TANC2: variants seen among roughly 807,000 people sequenced by gnomAD.
The protein encoded by TANC2 is protein TANC2.
A neutral mutation model predicts 210.5 loss-of-function variants in TANC2; 26 were observed. The ratio of observed to expected loss-of-function variants is 0.12; its 90% CI spans 0.09 to 0.17. The LOEUF is 0.17. Among genes scored for constraint, TANC2 ranks in the 10% least tolerant of loss-of-function variants. The probability of loss-of-function intolerance (pLI) is 1.00; values close to 1 mark genes in which losing one functional copy is unlikely to be tolerated. For missense variants in TANC2, 2,129 were observed against 2,608.9 expected, an observed-to-expected ratio of 0.82 and a Z score of 4.01; for synonymous variants, 931 against 967.1, an observed-to-expected ratio of 0.96 and a Z score of 0.69.
chr17:63,262,969 C>T (rs1280393822), intron 8 of TANC2, among the ~76,000 whole-genome samples: 1 of 152,036 alleles, frequency 6.6e-6, no homozygotes, highest in Non-Finnish European at 1.5e-5. Context: ...TAAAATGTGG[C>T]ATCTAACTTC....
chr17:63,319,247 T>C (rs2045418051), intron 11 of TANC2, among the ~76,000 whole-genome samples, 157 bp downstream of exon 11: 1 of 152,140 alleles, frequency 6.6e-6, no homozygotes, highest in African/African-American at 2.4e-5. Flanking sequence ...CCTAGAAAAA[T>C]ACTTTATTGT....
chr17:63,244,459 GGGGA>G (rs1335836426), intron 8 of TANC2, among the ~76,000 whole-genome samples: 1 of 152,088 alleles, frequency 6.6e-6, no homozygotes, highest in African/African-American at 2.4e-5. Flanking sequence ...CAGCTGATCT[GGGGA>G]CAATGGTTTT....
At chr17:63,316,896 A>G (rs1289616652) in intron 10 of TANC2, among the ~76,000 whole-genome samples, 1 of 152,032 alleles carries the variant, frequency 6.6e-6, no homozygotes, top group Non-Finnish European at 1.5e-5. Context: ...CACTAATAGT[A>G]AGAATGATGT....
chr17:63,420,690 G>T lies in TANC2; in HGVS notation c.4960G>T (p.Val1654Phe). The T allele has an allele frequency of 6.2e-7, 1 of 1,613,782 alleles. No individual in the cohort carries two copies. The highest frequency in any genetic ancestry group is 8.5e-7 in the Non-Finnish European group (1 of 1,179,804). ...CGTGCGCTATCAGCAGGAAACAAGC[G>T]TCAGTCAGCTTCCTGGCAGACCCAA... The change falls in exon 28 of 28, where the codon GTC (valine) becomes TTC (phenylalanine). Residue 1654 changes from valine (V) to phenylalanine (F), a missense_variant. Coordinates refer to ENST00000689528, the Ensembl canonical transcript of TANC2. The surrounding 1 kb of genome is among the most constrained non-coding windows in gnomAD (Gnocchi z 4.2).
chr17:63,054,169 A>G (rs1250632457), intron 2 of TANC2, among the ~76,000 whole-genome samples: 1 of 152,236 alleles, frequency 6.6e-6, no homozygotes, highest in Non-Finnish European at 1.5e-5. Flanking sequence ...AATTATTATT[A>G]GTACTAAATG....
intron 4 of TANC2, among the ~76,000 whole-genome samples, chr17:63,109,516 T>C (rs932436699): frequency 1.3e-5 from 2 of 151,688 alleles, no homozygotes; most frequent in African/African-American, 4.9e-5. Flanking sequence ...CTGGTAACCA[T>C]AGAAATCAAA....
At chr17:63,304,001 G>A (rs2044812545) in intron 9 of TANC2, among the ~76,000 whole-genome samples, 1 of 151,840 alleles carries the variant, frequency 6.6e-6, no homozygotes, top group Admixed American at 6.6e-5. Context: ...CCTTTATCAA[G>A]GTTCTTAGCT....
rs573096395 is a variant in TANC2 at position 63,213,955 on chromosome 17, C to A, written c.769+12998C>A. Among the ~76,000 whole-genome samples, 28 of 151,834 alleles carry A rather than the reference C, an allele frequency of 1.8e-4. 1 individual carries two copies. Among genetic ancestry groups the A allele is most frequent in the Non-Finnish European group, 8.8e-5 (6 of 67,992 alleles). On this transcript the variant is annotated intron_variant, in intron 7 of 27. Transcript: ENST00000689528. ...ATGTTAAGACCTTTTTAACAGAGTA[C>A]AAGCCAGGGAAGCAAGCGTGAAGGA...
intron 2 of TANC2, among the ~76,000 whole-genome samples, chr17:63,021,256 TC>T (rs2034336761): frequency 6.6e-6 from 1 of 152,242 alleles, no homozygotes; most frequent in South Asian, 2.1e-4. Flanking sequence ...ATATATTTTT[TC>T]TTCCAGGGTT....
intron 5 of TANC2, among the ~76,000 whole-genome samples, chr17:63,167,886 A>T (rs922619846): frequency 3.1e-5 from 1 of 32,300 alleles, no homozygotes; most frequent in Non-Finnish European, 5.7e-5. Flanking sequence ...CTCTGTCTCA[A>T]AAAAAAAAAA....
At position 63,205,372 on chromosome 17, in the gene TANC2, A is replaced by AAAC. The variant is rs1472135033; in HGVS notation, c.769+4415_769+4416insAAC. 1.3e-3 allele frequency among the ~76,000 whole-genome samples: 170 copies of AAAC among 131,850 alleles called. 11 individuals are homozygous for AAAC. The highest frequency in any genetic ancestry group is 3.9e-3 in the Middle Eastern group (1 of 256). The allele number at this position is 131,850 out of a possible 152,430, so 86.5% of individuals were successfully genotyped here. On this transcript the variant is annotated intron_variant, in intron 7 of 27. Coordinates refer to ENST00000689528, the Ensembl canonical transcript of TANC2. ...AAAAAAAAAAAAAAAAAAAAAAAAA[A>AAAC]CCTCATACACCGAAAACTACAAAAC... is the stretch of plus-strand genomic sequence containing the variant.
At chr17:63,189,855 C>T (rs2041124502) in intron 5 of TANC2, among the ~76,000 whole-genome samples, 1 of 152,182 alleles carries the variant, frequency 6.6e-6, no homozygotes, top group Non-Finnish European at 1.5e-5. Context: ...AGTTTACTAC[C>T]ATGTTTTCTT....
At chr17:63,115,348 C>CA (rs2038212724) in intron 4 of TANC2, among the ~76,000 whole-genome samples, 1 of 152,168 alleles carries the variant, frequency 6.6e-6, no homozygotes, top group Non-Finnish European at 1.5e-5. Flanking sequence ...TTAAACAACT[C>CA]AATCACTTTG....
chr17:63,084,303 A>G (rs2036881323), intron 3 of TANC2, among the ~76,000 whole-genome samples: 1 of 152,034 alleles, frequency 6.6e-6, no homozygotes, highest in African/African-American at 2.4e-5. Context: ...TATCCTTTTA[A>G]TGTTCATGAA....
intron 9 of TANC2, among the ~76,000 whole-genome samples, chr17:63,312,273 TTAAAATAC>T (rs998930621): frequency 2.5e-4 from 38 of 152,152 alleles, no homozygotes; most frequent in African/African-American, 9.2e-4. Context: ...CGTATGTTCA[TTAAAATAC>T]TAGTGACAGT....
chr17:63,072,522 C>T (rs1008198202), intron 2 of TANC2, among the ~76,000 whole-genome samples: 3 of 151,890 alleles, frequency 2.0e-5, no homozygotes, highest in African/African-American at 7.3e-5. Flanking sequence ...TATATAGTAA[C>T]AGCAGAACTA....
chr17:63,125,932 G>T (rs2038691433), intron 4 of TANC2, among the ~76,000 whole-genome samples: 1 of 152,200 alleles, frequency 6.6e-6, no homozygotes, highest in African/African-American at 2.4e-5. Context: ...GAGCCAGACT[G>T]CCTGGATTTG....
intron 2 of TANC2, among the ~76,000 whole-genome samples, chr17:63,063,106 A>G (rs2036054730): frequency 6.6e-6 from 1 of 152,176 alleles, no homozygotes; most frequent in African/African-American, 2.4e-5. Flanking sequence ...TCAGGGAAAC[A>G]CTTTACACAT....
chr17:63,345,945 CA>C (rs1434882383), intron 12 of TANC2, among the ~76,000 whole-genome samples: 1 of 152,058 alleles, frequency 6.6e-6, no homozygotes, highest in Non-Finnish European at 1.5e-5. Context: ...GAAAATAGAT[CA>C]ATGGAACAGA....
Sources: allele counts gnomAD v4.1 joint callset (sites outside exome capture counted in the v4.1 genomes callset), GRCh38; gene constraint gnomAD v4.1.1; non-coding constraint Gnocchi (gnomAD v3.1); transcripts MANE v1.5; gene names NCBI Gene and HGNC (gene_info 2026-07-23, HGNC 2026-07-21).